The following SPHKAP variants were observed in gnomAD, a reference collection of about 807,000 sequenced individuals.
SPHKAP encodes A-kinase anchor protein SPHKAP.
A neutral mutation model predicts 137.5 loss-of-function variants in SPHKAP; 67 were observed. The observed-to-expected ratio is 0.49, with a 90% confidence interval of 0.40 to 0.60. The LOEUF (loss-of-function observed/expected upper bound fraction) is 0.60. SPHKAP is among the 20% of genes least tolerant of loss of function. The pLI is 0.00. For missense variants in SPHKAP, 2,097 were observed against 2,069.3 expected, an observed-to-expected ratio of 1.01 and a Z score of -0.26; for synonymous variants, 813 against 785.3, an observed-to-expected ratio of 1.04 and a Z score of -0.59.
At chr2:227,982,358 C>A (rs1295049057) in intron 11 of SPHKAP, 1 of 985,364 alleles carries the variant, frequency 1.0e-6, no homozygotes, top group Middle Eastern at 5.2e-4. Context: ...ACTCCCTCAC[C>A]CTCCAGGCTA....
chr2:228,038,443 C>T (rs781017286), intron 3 of SPHKAP, among the ~76,000 whole-genome samples: 10 of 152,014 alleles, frequency 6.6e-5, no homozygotes, highest in Middle Eastern at 3.2e-3. Flanking sequence ...TTCTGCATTA[C>T]GGTTGCATGA....
chr2:228,135,243 C>A (rs1163216147), intron 1 of SPHKAP, among the ~76,000 whole-genome samples: 1 of 138,774 alleles, frequency 7.2e-6, no homozygotes, highest in Non-Finnish European at 1.5e-5. Context: ...CATTGCACTC[C>A]AGCCTGGGCA....
intron 3 of SPHKAP, among the ~76,000 whole-genome samples, chr2:228,078,996 T>C (rs1697273316): frequency 6.6e-6 from 1 of 152,158 alleles, no homozygotes; most frequent in Non-Finnish European, 1.5e-5. Context: ...TGTTTGGGCC[T>C]CTGCATTACC....
Position 228,019,935 on chromosome 2 carries a change from G to C in SPHKAP, c.919C>G (p.Gln307Glu), listed in dbSNP as rs768307763. ...QSLDPSAKPSQWKREAVGNGR... is the reference protein window; with the variant it reads ...QSLDPSAKPSEWKREAVGNGR... ...TTCCCCACAGCTTCTCTTTTCCACT[G>C]TGATGGCTTGGCTGAGGGATCTAGA... The change falls in exon 7 of 12, where the codon CAG becomes GAG. Residue 307 changes from glutamine (Q) to glutamate (E), a missense_variant. Transcript: ENST00000392056. 1.2e-6 allele frequency: 2 copies of C among 1,614,204 alleles called. No homozygotes were observed. The highest frequency in any genetic ancestry group is 1.7e-5 in the Admixed American group (1 of 60,026).
chr2:228,104,155 C>T (rs1026548041), intron 3 of SPHKAP, among the ~76,000 whole-genome samples: 6 of 148,806 alleles, frequency 4.0e-5, no homozygotes, highest in Non-Finnish European at 7.4e-5. Context: ...ACTATCTGCA[C>T]TAGGTAATTT....
chr2:228,088,976 G>C (rs1399334168), intron 3 of SPHKAP, among the ~76,000 whole-genome samples: 1 of 152,162 alleles, frequency 6.6e-6, no homozygotes, highest in Non-Finnish European at 1.5e-5. Context: ...TGGCACTAAG[G>C]AGTGGGGCAT....
At chr2:228,054,295 G>C (rs1482117377) in intron 3 of SPHKAP, among the ~76,000 whole-genome samples, 1 of 152,156 alleles carries the variant, frequency 6.6e-6, no homozygotes, top group Non-Finnish European at 1.5e-5. Flanking sequence ...TTTAGATAAA[G>C]TGCATATGAG....
rs533143211 is a variant in SPHKAP at position 228,016,905 on chromosome 2, G to C, written c.3949C>G (p.Leu1317Val). The C allele has an allele frequency of 5.0e-6, 8 of 1,614,098 alleles. No homozygotes were observed. Among genetic ancestry groups the C allele is most frequent in the South Asian group, 3.3e-5 (3 of 91,078 alleles). The change falls in exon 7 of 12, where the codon CTC becomes GTC. Residue 1317 changes from leucine (L) to valine (V), a missense_variant. Physicochemically the swap from Leu to Val is conservative, Grantham distance 32 (BLOSUM62 1). Coordinates refer to ENST00000392056, the MANE Select transcript of SPHKAP (RefSeq NM_001142644.2). ...HETWASSIEA[L>V]MRKNKIIVDD... ...ACAATGATTTTGTTCTTGCGCATGAGAGCCTCAATGGAGCTAGCCCACGTT... is the reference window on the plus strand; with the variant it reads ...ACAATGATTTTGTTCTTGCGCATGACAGCCTCAATGGAGCTAGCCCACGTT...
intron 3 of SPHKAP, among the ~76,000 whole-genome samples, chr2:228,055,830 C>A (rs1233295224): frequency 6.6e-6 from 1 of 152,212 alleles, no homozygotes; most frequent in Non-Finnish European, 1.5e-5. Context: ...AAGCATGAAT[C>A]TTCAAGACAC....
chr2:228,122,565 C>T (rs1403655949), intron 2 of SPHKAP, among the ~76,000 whole-genome samples: 1 of 152,156 alleles, frequency 6.6e-6, no homozygotes, highest in Admixed American at 6.6e-5. Context: ...TTAAAATTTT[C>T]CCACCTAGGG....
At chr2:228,107,864 C>T (rs10183383) in intron 3 of SPHKAP, among the ~76,000 whole-genome samples, 68,902 of 151,984 alleles carry the variant, frequency 0.45, 16,440 homozygotes, top group East Asian at 0.68. Context: ...GTACGAAAAG[C>T]AGCAGAATCA....
Position 228,043,116 on chromosome 2 carries a change from A to G in SPHKAP, c.247-15573T>C, listed in dbSNP as rs551846283. 5.0e-4 allele frequency among the ~76,000 whole-genome samples: 76 copies of G among 152,240 alleles called. 1 individual carries two copies. The highest frequency in any genetic ancestry group is 7.8e-4 in the Non-Finnish European group (53 of 68,052). On this transcript the variant is annotated intron_variant, in intron 3 of 11. Transcript: ENST00000392056. ...TGCTGATTAAATTTCAAAAATGAATAATGCTGAGAGAACTTATAGACCTGC... is the reference window on the plus strand; with the variant it reads ...TGCTGATTAAATTTCAAAAATGAATGATGCTGAGAGAACTTATAGACCTGC...
chr2:228,048,806 A>G, intron 3 of SPHKAP, among the ~76,000 whole-genome samples: 1 of 152,100 alleles, frequency 6.6e-6, no homozygotes, highest in African/African-American at 2.4e-5. Context: ...GTTTTTTGAG[A>G]AGTGTCTGTT....
chr2:228,090,642 AG>A (rs1177554858), intron 3 of SPHKAP, among the ~76,000 whole-genome samples: 2 of 151,886 alleles, frequency 1.3e-5, no homozygotes, highest in Non-Finnish European at 1.5e-5. Context: ...GTGTTGTGGG[AG>A]GTGTTTTGGT....
chr2:228,049,032 G>A (rs941765690), intron 3 of SPHKAP, among the ~76,000 whole-genome samples: 16 of 152,238 alleles, frequency 1.1e-4, no homozygotes, highest in African/African-American at 3.6e-4. Context: ...TGAGAGCCCA[G>A]CTCCAATCCC....
intron 1 of SPHKAP, among the ~76,000 whole-genome samples, chr2:228,153,452 C>A (rs2106402378): frequency 6.6e-6 from 1 of 152,124 alleles, no homozygotes; most frequent in South Asian, 2.1e-4. Context: ...ATAAAAATAT[C>A]TTTAGTTATT....
intron 3 of SPHKAP, among the ~76,000 whole-genome samples, chr2:228,077,478 A>G (rs760001131): frequency 1.3e-5 from 2 of 152,236 alleles, no homozygotes; most frequent in South Asian, 4.1e-4. Flanking sequence ...GATGTGAGAC[A>G]TGGAGTCAAA....
At chr2:227,994,020 T>G (rs542111546) in intron 8 of SPHKAP, 1 of 984,956 alleles carries the variant, frequency 1.0e-6, no homozygotes, top group African/African-American at 1.7e-5. Context: ...ATGAAGGAAC[T>G]TCTGAAAACA....
chr2:228,011,721 T>C (rs371729587), intron 7 of SPHKAP, among the ~76,000 whole-genome samples: 15 of 152,314 alleles, frequency 9.8e-5, no homozygotes, highest in East Asian at 5.8e-4. Context: ...TAATTGACAG[T>C]AATTGTATCT....
Sources: gnomAD v4.1 joint callset for allele counts (sites outside exome capture counted in the v4.1 genomes callset) on GRCh38, gnomAD v4.1.1 for gene constraint, MANE v1.5 for transcripts, NCBI Gene and HGNC (gene_info 2026-07-23, HGNC 2026-07-21) for gene names.